STPG2: variants seen among roughly 807,000 people sequenced by gnomAD.
STPG2 encodes the protein sperm-tail PG-rich repeat-containing protein 2.
STPG2 carries 56 observed loss-of-function variants against 54.2 expected under a neutral mutation model. The observed-to-expected ratio is 1.03, with a 90% CI of 0.83 to 1.29. The LOEUF (loss-of-function observed/expected upper bound fraction) is 1.29, where lower values mean the gene tolerates loss of function less well. STPG2 is among the 50% of genes most tolerant of loss of function. The pLI is 0.00. For missense variants in STPG2, 596 were observed against 544.9 expected (o/e 1.09, Z -0.93); for synonymous variants, 200 against 181.8 (o/e 1.10, Z -0.81).
chr4:97,985,921 C>T (rs1160243259), intron 5 of STPG2, among the ~76,000 whole-genome samples: 1 of 151,848 alleles, frequency 6.6e-6, no homozygotes, highest in African/African-American at 2.4e-5. Context: ...TGCACAGGCA[C>T]ATGCGCAAGC....
chr4:97,730,413 C>A (rs1282614246), intron 9 of STPG2, among the ~76,000 whole-genome samples: 2 of 152,122 alleles, frequency 1.3e-5, no homozygotes, highest in Non-Finnish European at 2.9e-5. Flanking sequence ...CTGATGGATG[C>A]CTAGATTGAT....
intron 5 of STPG2, among the ~76,000 whole-genome samples, chr4:98,073,120 G>A (rs1032515019): frequency 6.6e-6 from 1 of 152,026 alleles, no homozygotes; most frequent in East Asian, 1.9e-4. Context: ...CTTATTTGCA[G>A]ATGTCTTGCT....
At chr4:97,523,998 G>A (rs150726726) in intron 4 of STPG2, among the ~76,000 whole-genome samples, 1 of 152,006 alleles carries the variant, frequency 6.6e-6, no homozygotes, top group African/African-American at 2.4e-5. Flanking sequence ...GGGTTCAAGG[G>A]ACATGGAAGA....
intron 4 of STPG2, among the ~76,000 whole-genome samples, chr4:97,522,542 A>G (rs1385874091): frequency 2.0e-5 from 3 of 152,022 alleles, no homozygotes; most frequent in Non-Finnish European, 4.4e-5. Context: ...TCTGAACTCA[A>G]TATGTTAATA....
chr4:97,567,123 A>G (rs534428236), intron 10 of STPG2, among the ~76,000 whole-genome samples: 9 of 151,736 alleles, frequency 5.9e-5, no homozygotes, highest in African/African-American at 1.9e-4. Context: ...ATCAGGCTGG[A>G]TTTTACACTA....
At chr4:97,676,092 A>AT (rs1241819924) in intron 10 of STPG2, among the ~76,000 whole-genome samples, 1 of 147,354 alleles carries the variant, frequency 6.8e-6, no homozygotes. Flanking sequence ...AGTATATACT[A>AT]AATATATACT....
chr4:98,113,283 C>T (rs1739415219), intron 3 of STPG2, among the ~76,000 whole-genome samples: 1 of 151,922 alleles, frequency 6.6e-6, no homozygotes, highest in Admixed American at 6.6e-5. Context: ...TATTCGGGAG[C>T]ATAGCTGAGA....
intron 8 of STPG2, chr4:97,893,184 G>A (rs922149474): frequency 3.3e-5 from 5 of 151,928 alleles, no homozygotes; most frequent in East Asian, 1.9e-4. Flanking sequence ...AGTGCTATAC[G>A]GAGGGTGTTG....
chr4:97,603,661 A>T (rs1733521867), intron 10 of STPG2, among the ~76,000 whole-genome samples: 1 of 151,614 alleles, frequency 6.6e-6, no homozygotes, highest in Admixed American at 6.6e-5. Flanking sequence ...ATTATTCAGG[A>T]AGGAAATTCT....
At chr4:97,493,222 G>A (rs1417086244) in intron 4 of STPG2, among the ~76,000 whole-genome samples, 1 of 151,130 alleles carries the variant, frequency 6.6e-6, no homozygotes, top group Non-Finnish European at 1.5e-5. Flanking sequence ...ACACTGGTAA[G>A]ACCCTGAGGA....
chr4:97,619,339 A>G (rs1000422480), intron 10 of STPG2, among the ~76,000 whole-genome samples: 1 of 152,160 alleles, frequency 6.6e-6, no homozygotes, highest in African/African-American at 2.4e-5. Flanking sequence ...GAAAATATAA[A>G]AAAGCAGTAC....
intron 7 of STPG2, among the ~76,000 whole-genome samples, chr4:97,963,644 C>T (rs982458628): frequency 4.6e-5 from 7 of 151,518 alleles, no homozygotes; most frequent in Non-Finnish European, 7.4e-5. Flanking sequence ...AAGAGTGAGA[C>T]CCTATTTGAA....
chr4:98,080,404 T>C (rs1738307566), intron 5 of STPG2, among the ~76,000 whole-genome samples: 1 of 152,132 alleles, frequency 6.6e-6, no homozygotes, highest in South Asian at 2.1e-4. Context: ...AGTTTCACTT[T>C]CTATGTAAAG....
chr4:97,800,866 C>T (rs1287433853), intron 9 of STPG2, among the ~76,000 whole-genome samples: 3 of 152,160 alleles, frequency 2.0e-5, no homozygotes, highest in Non-Finnish European at 4.4e-5. Context: ...TTTACCTACT[C>T]AAGCCTCAGC....
intron 5 of STPG2, among the ~76,000 whole-genome samples, chr4:98,032,300 C>T (rs769885131): frequency 2.4e-4 from 36 of 152,034 alleles, no homozygotes; most frequent in Non-Finnish European, 4.7e-4. Context: ...AACTGCAAAA[C>T]CATGGAACCA....
intron 8 of STPG2, among the ~76,000 whole-genome samples, chr4:97,878,367 G>T (rs1366013003): frequency 6.6e-6 from 1 of 152,190 alleles, no homozygotes; most frequent in Non-Finnish European, 1.5e-5. Context: ...CCTAGCAGAG[G>T]TTCTCCATGA....
At chr4:97,505,780 G>C (rs1449513078) in intron 4 of STPG2, among the ~76,000 whole-genome samples, 2 of 151,722 alleles carry the variant, frequency 1.3e-5, no homozygotes, top group South Asian at 4.1e-4. Flanking sequence ...GAGGCATGCT[G>C]TATCCTAAGT....
intron 4 of STPG2, among the ~76,000 whole-genome samples, chr4:97,495,710 C>CAA (rs35288994): frequency 5.1e-5 from 6 of 117,796 alleles, no homozygotes; most frequent in African/African-American, 3.1e-5. Flanking sequence ...ATGGTCAAGA[C>CAA]AAAAAAAAAA....
intron 6 of STPG2, among the ~76,000 whole-genome samples, chr4:97,974,587 G>A (rs1466899111): frequency 1.3e-5 from 2 of 152,112 alleles, no homozygotes; most frequent in African/African-American, 4.8e-5. Flanking sequence ...TGAATCACGG[G>A]GGTGGGTCTT....
Sources: gnomAD v4.1 joint callset for allele counts (sites outside exome capture counted in the v4.1 genomes callset) on GRCh38, gnomAD v4.1.1 for gene constraint, MANE v1.5 for transcripts, NCBI Gene and HGNC (gene_info 2026-07-23, HGNC 2026-07-21) for gene names.